ZMIZ1: variants seen among roughly 807,000 people sequenced by gnomAD.
ZMIZ1 encodes zinc finger MIZ domain-containing protein 1.
A neutral mutation model predicts 113.9 loss-of-function variants in ZMIZ1; 17 were observed. The observed-to-expected ratio is 0.15, with a 90% CI of 0.10 to 0.22. ZMIZ1 has a LOEUF of 0.22. ZMIZ1 is among the 10% of genes least tolerant of loss of function. The pLI is 1.00. For synonymous variants in ZMIZ1, 607 were observed against 603.1 expected (o/e 1.01, Z -0.09); for missense variants, 1,059 against 1,477.8 (o/e 0.72, Z 4.65).
At chr10:79,149,844 CAG>C (rs1273669259) in intron 3 of ZMIZ1, among the ~76,000 whole-genome samples, 1 of 152,238 alleles carries the variant, frequency 6.6e-6, no homozygotes, top group African/African-American at 2.4e-5. Context: ...GGGATTCAAT[CAG>C]GGGCCCCCGC....
intron 1 of ZMIZ1, among the ~76,000 whole-genome samples, chr10:79,117,744 GA>G (rs1349462055): frequency 2.0e-5 from 3 of 152,168 alleles, no homozygotes; most frequent in Non-Finnish European, 4.4e-5. Flanking sequence ...GCAGAAGGGG[GA>G]CTTTACAAAG....
intron 1 of ZMIZ1, among the ~76,000 whole-genome samples, chr10:79,106,857 G>A (rs1189050073): frequency 2.0e-5 from 3 of 152,256 alleles, no homozygotes; most frequent in African/African-American, 7.2e-5. Context: ...CATCGTGCAG[G>A]TGGCCGAGTG....
chr10:79,069,292 G>T lies in ZMIZ1; in HGVS notation c.-337+22G>T. 6.6e-6 allele frequency: 1 copy of T among 150,690 alleles called. No homozygotes were observed. The highest frequency in any genetic ancestry group is 2.1e-4 in the South Asian group (1 of 4,852). The allele number at this position is 150,690 out of a possible 1,614,324, so 9.3% of individuals were successfully genotyped here. On this transcript the variant is annotated intron_variant, in intron 1 of 24. Coordinates refer to ENST00000334512, the MANE Select transcript of ZMIZ1 (RefSeq NM_020338.4). The surrounding 1 kb of genome is among the most constrained non-coding windows in gnomAD (Gnocchi z 4.6). ...CCCGGTAAGTTTGGGGCCAGAGCCA[G>T]GCGCCCGCTGGCTCCGGGGCTACCT...
intron 7 of ZMIZ1, among the ~76,000 whole-genome samples, chr10:79,263,823 A>T (rs1374874610): frequency 1.3e-5 from 2 of 151,772 alleles, no homozygotes; most frequent in Non-Finnish European, 2.9e-5. Flanking sequence ...TGATGTGTAG[A>T]CCCCAGGGTC....
chr10:79,183,682 G>A (rs1847228318), intron 4 of ZMIZ1, among the ~76,000 whole-genome samples: 1 of 152,234 alleles, frequency 6.6e-6, no homozygotes, highest in Admixed American at 6.5e-5. Context: ...TCAATGCTGT[G>A]TCTCAGTTTT....
rs138317125 is a variant in ZMIZ1, at chr10:79,233,382, C to G, written c.280+17108C>G. ...TTGCAGAGGCAAGATCAGGCTCTGGCAGATTTGATGTCCAGTGAGGGCACG... is the reference window on the plus strand; with the variant it reads ...TTGCAGAGGCAAGATCAGGCTCTGGGAGATTTGATGTCCAGTGAGGGCACG... On this transcript the variant is annotated intron_variant, in intron 7 of 24. Coordinates refer to ENST00000334512, the MANE Select transcript of ZMIZ1 (RefSeq NM_020338.4). Among the ~76,000 whole-genome samples, 1,457 of 152,354 alleles carry G rather than the reference C, an allele frequency of 9.6e-3. 14 individuals are homozygous for G. Among genetic ancestry groups the G allele is most frequent in the Non-Finnish European group, 0.015 (1,045 of 68,024 alleles).
At chr10:79,147,431 G>C (rs1309149972) in intron 3 of ZMIZ1, among the ~76,000 whole-genome samples, 1 of 152,160 alleles carries the variant, frequency 6.6e-6, no homozygotes, top group Non-Finnish European at 1.5e-5. Context: ...CCCCTGGAGT[G>C]TGCTTTAGAG....
chr10:79,136,795 T>G (rs1366798089), intron 2 of ZMIZ1, among the ~76,000 whole-genome samples: 1 of 152,212 alleles, frequency 6.6e-6, no homozygotes, highest in African/African-American at 2.4e-5. Context: ...ATCCATTTCA[T>G]CACTCTTATT....
chr10:79,108,777 G>A (rs768669010), intron 1 of ZMIZ1, among the ~76,000 whole-genome samples: 3 of 152,150 alleles, frequency 2.0e-5, no homozygotes, highest in Non-Finnish European at 2.9e-5. Flanking sequence ...TTATGGGGCT[G>A]TTTTGGACGG....
intron 7 of ZMIZ1, among the ~76,000 whole-genome samples, chr10:79,273,321 A>G (rs576146771): frequency 1.3e-5 from 2 of 151,888 alleles, no homozygotes; most frequent in Admixed American, 6.6e-5. Context: ...TCTGCTCCCA[A>G]CAGCCCCTCC....
intron 23 of ZMIZ1, among the ~76,000 whole-genome samples, chr10:79,308,797 C>T (rs373228836): frequency 4.6e-5 from 7 of 152,102 alleles, no homozygotes; most frequent in South Asian, 2.1e-4. Context: ...TCACACCCCC[C>T]GACACACACA....
chr10:79,312,575 C>T, intron 24 of ZMIZ1, 67 bp from the exon 25 acceptor site: 1 of 1,550,354 alleles, frequency 6.5e-7, no homozygotes, highest in Non-Finnish European at 8.9e-7. Flanking sequence ...GGCGCCCCTG[C>T]ATTCCTCACC....
chr10:79,154,260 G>T (rs1016240812), intron 3 of ZMIZ1, among the ~76,000 whole-genome samples: 1 of 152,124 alleles, frequency 6.6e-6, no homozygotes, highest in Non-Finnish European at 1.5e-5. Context: ...TCTCTGTAGG[G>T]TGGCAGGCTT....
At chr10:79,148,424 G>C (rs1845580368) in intron 3 of ZMIZ1, among the ~76,000 whole-genome samples, 1 of 152,212 alleles carries the variant, frequency 6.6e-6, no homozygotes, top group Non-Finnish European at 1.5e-5. Flanking sequence ...AGACAAGGGG[G>C]TGTAGAGAGC....
chr10:79,141,244 A>G (rs1453447326), intron 3 of ZMIZ1, among the ~76,000 whole-genome samples: 2 of 152,186 alleles, frequency 1.3e-5, no homozygotes, highest in Non-Finnish European at 2.9e-5. Context: ...GTCTGTCAGG[A>G]ACTCTTTAAG....
At chr10:79,233,147 G>A (rs1417914155) in intron 7 of ZMIZ1, among the ~76,000 whole-genome samples, 1 of 152,244 alleles carries the variant, frequency 6.6e-6, no homozygotes, top group African/African-American at 2.4e-5. Flanking sequence ...CCTTGTTGAG[G>A]GGGAGCAGCA....
intron 7 of ZMIZ1, among the ~76,000 whole-genome samples, chr10:79,244,097 C>T (rs1356934052): frequency 6.6e-6 from 1 of 152,250 alleles, no homozygotes. Context: ...GCCAGGATGC[C>T]TTCGGAGGCA....
At chr10:79,158,921 C>A (rs142507277) in intron 3 of ZMIZ1, among the ~76,000 whole-genome samples, 10 of 152,234 alleles carry the variant, frequency 6.6e-5, no homozygotes, top group South Asian at 4.1e-4. Flanking sequence ...TCCCCTCCCC[C>A]GGGAGCTTCA....
intron 6 of ZMIZ1, among the ~76,000 whole-genome samples, chr10:79,213,558 A>C (rs1251977282): frequency 6.6e-6 from 1 of 152,202 alleles, no homozygotes; most frequent in Non-Finnish European, 1.5e-5. Context: ...ATACAGCACC[A>C]AGCCCCTCTA....
Sources: gnomAD v4.1 joint callset for allele counts (sites outside exome capture counted in the v4.1 genomes callset) on GRCh38, gnomAD v4.1.1 for gene constraint, Gnocchi (gnomAD v3.1) non-coding constraint, MANE v1.5 for transcripts, NCBI Gene and HGNC (gene_info 2026-07-23, HGNC 2026-07-21) for gene names.